Variants in DPH6 observed in about 807,000 individuals in gnomAD.
DPH6 encodes the protein diphthamine biosynthesis 6, also known as diphthine--ammonia ligase.
In DPH6, 33 loss-of-function variants were observed where a neutral mutation model predicts 38.2. The observed-to-expected ratio is 0.86, with a 90% CI of 0.65 to 1.15. The LOEUF (loss-of-function observed/expected upper bound fraction) is 1.15, where lower values mean the gene tolerates loss of function less well. Among genes scored for constraint, DPH6 ranks in the 50% most tolerant of loss-of-function variants. DPH6 has a pLI of 0.00. For synonymous variants in DPH6, 108 were observed against 103.0 expected (o/e 1.05, Z -0.30); for missense variants, 325 against 320.0 (o/e 1.02, Z -0.12).
chr15:35,484,842 T>A (rs1169772346), intron 3 of DPH6, among the ~76,000 whole-genome samples: 1 of 152,188 alleles, frequency 6.6e-6, no homozygotes, highest in Non-Finnish European at 1.5e-5. Context: ...TCCTTCCACT[T>A]TTGTGTATAT....
chr15:35,338,560 A>G (rs1410526000), intron 3 of DPH6, among the ~76,000 whole-genome samples: 1 of 152,156 alleles, frequency 6.6e-6, no homozygotes, highest in African/African-American at 2.4e-5. Context: ...GTGGAGAAAT[A>G]GGAACACTTT....
Position 35,372,018 on chromosome 15 carries a change from A to C in DPH6, c.*132T>G. The C allele has an allele frequency of 7.1e-7, 1 of 1,404,732 alleles. No homozygotes were observed. The highest frequency in any genetic ancestry group is 9.2e-7 in the Non-Finnish European group (1 of 1,081,414). 87.0% of individuals were successfully genotyped at this position (1,404,732 alleles called of 1,614,324 possible). On this transcript the variant is annotated 3_prime_UTR_variant, in exon 9 of 9. Coordinates refer to ENST00000256538, the MANE Select transcript of DPH6 (RefSeq NM_080650.4). Reference sequence around the variant, plus strand: ...ATAAATGGTTCCACTAACCTCTTCTAGTGAAAGTATGTTTCTCTAAAAAAA... The same window carrying C: ...ATAAATGGTTCCACTAACCTCTTCTCGTGAAAGTATGTTTCTCTAAAAAAA...
At chr15:35,146,111 G>A in the DPH6 span, among the ~76,000 whole-genome samples, 2 of 129,828 alleles carry the variant, frequency 1.5e-5, no homozygotes, top group African/African-American at 5.8e-5. Flanking sequence ...GTGTGTGTGT[G>A]TATACATACA....
At chr15:35,380,419 G>C (rs1192430007) in intron 7 of DPH6, among the ~76,000 whole-genome samples, 3 of 152,170 alleles carry the variant, frequency 2.0e-5, no homozygotes, top group Non-Finnish European at 4.4e-5. Context: ...TGGTTATGTA[G>C]AGTAAAGCAG....
Position 35,243,416 on chromosome 15 carries a change from G to C in DPH6, n.201-22834C>G, listed in dbSNP as rs956806412. On this transcript the variant is annotated intron_variant and non_coding_transcript_variant, in intron 3 of 3. Coordinates refer to the DPH6 transcript ENST00000560386. ...AAGAAGGCAGGAATGTCAGGCCTCT[G>C]AGCCCAAGCCAAGCCATTGCATCCC... Among the ~76,000 whole-genome samples, 30 of 143,232 alleles carry C rather than the reference G, an allele frequency of 2.1e-4. 5 individuals carry two copies. Among genetic ancestry groups the C allele is most frequent in the Non-Finnish European group, 4.3e-4 (28 of 65,368 alleles). The allele number at this position is 143,232 out of a possible 152,430, so 94.0% of individuals were successfully genotyped here. A position where few individuals can be genotyped will look rare whatever the true frequency, so the allele number is the denominator to read the frequency against.
At chr15:35,534,237 C>CATGGT (rs1392422579) in intron 3 of DPH6, among the ~76,000 whole-genome samples, 1 of 151,608 alleles carries the variant, frequency 6.6e-6, no homozygotes, top group Non-Finnish European at 1.5e-5. Context: ...ATTAGCCGGG[C>CATGGT]ATGGTGGTGC....
At chr15:35,360,940 G>A (rs2052609113) in intron 3 of DPH6, among the ~76,000 whole-genome samples, 1 of 152,134 alleles carries the variant, frequency 6.6e-6, no homozygotes, top group South Asian at 2.1e-4. Flanking sequence ...TGGGTAGGCA[G>A]GACTTCTCCC....
chr15:35,317,686 T>C (rs1192528970), intron 3 of DPH6, among the ~76,000 whole-genome samples: 1 of 151,468 alleles, frequency 6.6e-6, no homozygotes, highest in African/African-American at 2.4e-5. Context: ...TGGGTGAATA[T>C]AAATGGTTAT....
At chr15:35,282,694 C>T in intron 3 of DPH6, 1 of 393,220 alleles carries the variant, frequency 2.5e-6, no homozygotes, top group South Asian at 2.3e-5. Flanking sequence ...GTGCAATTTA[C>T]ATTGATGTGC....
downstream of DPH6, among the ~76,000 whole-genome samples, chr15:35,216,281 C>G (rs2051410604): frequency 1.3e-5 from 2 of 152,182 alleles, no homozygotes. Context: ...CTGTTAATCT[C>G]TAATGTTGAA....
At chr15:35,248,344 C>A (rs1162972907) in intron 3 of DPH6, among the ~76,000 whole-genome samples, 1 of 152,162 alleles carries the variant, frequency 6.6e-6, no homozygotes, top group East Asian at 1.9e-4. Context: ...TAAGAACTGG[C>A]CGTAAAGCAA....
At chr15:35,237,198 C>T (rs560670789) in intron 3 of DPH6, 8 of 735,764 alleles carry the variant, frequency 1.1e-5, no homozygotes, top group Admixed American at 6.7e-5. Flanking sequence ...TTGAGGTTAG[C>T]GTGTGCCGGG....
At chr15:35,281,809 T>C (rs968325028) in intron 3 of DPH6, among the ~76,000 whole-genome samples, 32 of 152,258 alleles carry the variant, frequency 2.1e-4, no homozygotes, top group African/African-American at 7.2e-4. Flanking sequence ...AATAGAGATA[T>C]CTACCGTAGA....
At chr15:35,295,740 T>A (rs1447714505) in intron 3 of DPH6, among the ~76,000 whole-genome samples, 1 of 152,164 alleles carries the variant, frequency 6.6e-6, no homozygotes, top group African/African-American at 2.4e-5. Flanking sequence ...TAAAAATCAA[T>A]TTAATGAGTT....
At chr15:35,382,010 A>C in intron 6 of DPH6, 94 bp from the exon 7 acceptor site, 1 of 883,652 alleles carries the variant, frequency 1.1e-6, no homozygotes, top group Non-Finnish European at 1.8e-6. Context: ...CATACAAAAA[A>C]CTTTAATTCC....
intron 3 of DPH6, among the ~76,000 whole-genome samples, chr15:35,341,672 T>C (rs2052422654): frequency 6.6e-6 from 1 of 152,230 alleles, no homozygotes; most frequent in African/African-American, 2.4e-5. Context: ...TGCCTCATTT[T>C]TCTTGTGCCT....
At chr15:35,193,189 G>C in the DPH6 span, among the ~76,000 whole-genome samples, 1 of 151,878 alleles carries the variant, frequency 6.6e-6, no homozygotes, top group Non-Finnish European at 1.5e-5. Flanking sequence ...AAATGTGTAT[G>C]GGAAATAACA....
At chr15:35,333,610 C>T (rs967235856) in intron 3 of DPH6, among the ~76,000 whole-genome samples, 6 of 151,934 alleles carry the variant, frequency 3.9e-5, no homozygotes, top group Admixed American at 3.9e-4. Context: ...ACTGAGCGTA[C>T]CTGTAAGAAA....
At chr15:35,519,909 A>C in intron 3 of DPH6, 1 of 151,996 alleles carries the variant, frequency 6.6e-6, no homozygotes, top group East Asian at 1.9e-4. Context: ...AAAAAACTTA[A>C]CAAAAACAAC....
Sources: gnomAD v4.1 joint callset for allele counts (sites outside exome capture counted in the v4.1 genomes callset) on GRCh38, gnomAD v4.1.1 for gene constraint, MANE v1.5 for transcripts, NCBI Gene and HGNC (gene_info 2026-07-23, HGNC 2026-07-21) for gene names.